PRKAG2: variants seen among roughly 807,000 people sequenced by gnomAD.
PRKAG2 encodes the protein 5'-AMP-activated protein kinase subunit gamma-2.
Under a neutral mutation model 69.6 loss-of-function variants are expected in PRKAG2, and 26 were observed. That is an observed-to-expected ratio of 0.37 (90% CI 0.27 to 0.52). The LOEUF (loss-of-function observed/expected upper bound fraction) is 0.52. PRKAG2 is among the 20% of genes least tolerant of loss of function. The pLI is 0.90. For synonymous variants in PRKAG2, 293 were observed against 285.0 expected (o/e 1.03, Z -0.28); for missense variants, 557 against 740.0 (o/e 0.75, Z 2.87).
intron 3 of PRKAG2, among the ~76,000 whole-genome samples, chr7:151,733,798 C>T (rs1392232888): frequency 6.6e-6 from 1 of 151,780 alleles, no homozygotes; most frequent in African/African-American, 2.4e-5. Flanking sequence ...CAGGCTCAAG[C>T]GATCTTCCCA....
chr7:151,741,981 G>C (rs2073926859), intron 3 of PRKAG2, among the ~76,000 whole-genome samples: 2 of 152,184 alleles, frequency 1.3e-5, no homozygotes, highest in Admixed American at 6.5e-5. Context: ...TCACCTTACA[G>C]TTATTATTTT....
chr7:151,626,326 C>G (rs74558374), intron 5 of PRKAG2, among the ~76,000 whole-genome samples: 12,990 of 152,256 alleles, frequency 0.085, 744 homozygotes, highest in Non-Finnish European at 0.12. Flanking sequence ...TGTGAAGTCA[C>G]GTCCTGACTT....
Position 151,632,546 on chromosome 7 carries a change from C to A in PRKAG2, c.685-408G>T. ...TTGGGAGAGGCCCGCGGCCCGCCCC[C>A]ACTCCGCCCCCCGGCGCCGCTCACC... is the stretch of plus-strand genomic sequence containing the variant. On this transcript the variant is annotated intron_variant, in intron 4 of 15. Coordinates refer to ENST00000287878, the MANE Select transcript of PRKAG2 (RefSeq NM_016203.4). The surrounding 1 kb of genome is among the most constrained non-coding windows in gnomAD (Gnocchi z 4.2). 1.0e-6 allele frequency: 1 copy of A among 983,042 alleles called. No individual in the cohort carries two copies. Among genetic ancestry groups the A allele is most frequent in the Non-Finnish European group, 1.2e-6 (1 of 828,210 alleles). The allele number at this position is 983,042 out of a possible 1,614,324, so 60.9% of individuals were successfully genotyped here.
chr7:151,607,716 GGTTT>G (rs1563243913), intron 5 of PRKAG2, among the ~76,000 whole-genome samples: 1 of 152,132 alleles, frequency 6.6e-6, no homozygotes, highest in East Asian at 1.9e-4. Context: ...TCAAAGGAAG[GGTTT>G]GAACTTTGGG....
chr7:151,620,296 A>G (rs1052764756), intron 5 of PRKAG2, among the ~76,000 whole-genome samples: 2 of 152,044 alleles, frequency 1.3e-5, no homozygotes, highest in Admixed American at 1.3e-4. Flanking sequence ...TTTATCAACA[A>G]CATTAATTCC....
chr7:151,852,403 G>A (rs1386280793), intron 1 of PRKAG2, among the ~76,000 whole-genome samples: 1 of 152,198 alleles, frequency 6.6e-6, no homozygotes, highest in Non-Finnish European at 1.5e-5. Flanking sequence ...GCTGAGGCAG[G>A]AGAATTGCTT....
chr7:151,615,352 C>T (rs1361563874), intron 5 of PRKAG2, among the ~76,000 whole-genome samples: 1 of 152,162 alleles, frequency 6.6e-6, no homozygotes, highest in African/African-American at 2.4e-5. Flanking sequence ...ATGCATGTGC[C>T]TTTATGGTAG....
intron 3 of PRKAG2, among the ~76,000 whole-genome samples, chr7:151,723,558 G>A (rs1051303926): frequency 1.3e-5 from 2 of 152,176 alleles, no homozygotes; most frequent in African/African-American, 2.4e-5. Flanking sequence ...CTCTGCTTTC[G>A]CCGATGGGCC....
chr7:151,731,033 C>T (rs1296906446), intron 3 of PRKAG2, among the ~76,000 whole-genome samples: 2 of 152,124 alleles, frequency 1.3e-5, no homozygotes, highest in Non-Finnish European at 2.9e-5. Flanking sequence ...AGAAATGAGC[C>T]CTTAAGACGC....
rs1554513570 is a variant in PRKAG2, at chr7:151,642,028, T to TG, written c.685-9891_685-9890insC. 3.4e-4 allele frequency among the ~76,000 whole-genome samples: 32 copies of TG among 95,024 alleles called. 1 individual carries two copies. Among genetic ancestry groups the TG allele is most frequent in the African/African-American group, 1.3e-3 (31 of 24,160 alleles). The allele number at this position is 95,024 out of a possible 152,430, so 62.3% of individuals were successfully genotyped here. ...GGGCAACATAGGGAGACCCCATCTTTAAAAAAAAAAAAAAAAAAAAAAAGG... is the reference window on the plus strand; with the variant it reads ...GGGCAACATAGGGAGACCCCATCTTTGAAAAAAAAAAAAAAAAAAAAAAAGG... On this transcript the variant is annotated intron_variant, in intron 4 of 15. Transcript: ENST00000287878.
chr7:151,604,534 G>C (rs1817026318), intron 5 of PRKAG2, among the ~76,000 whole-genome samples: 1 of 152,060 alleles, frequency 6.6e-6, no homozygotes, highest in African/African-American at 2.4e-5. Flanking sequence ...GCCTACTCAG[G>C]AGGCTGAGGT....
chr7:151,750,534 A>T (rs959904056), intron 3 of PRKAG2, among the ~76,000 whole-genome samples: 12 of 152,202 alleles, frequency 7.9e-5, no homozygotes, highest in Non-Finnish European at 8.8e-5. Flanking sequence ...TGTTTCTGTG[A>T]GATATGCAGA....
In PRKAG2 at chr7:151,570,151, G is replaced by GA. The variant is rs374874465; in HGVS notation, c.1106+19dup. 13,319 of 1,269,830 alleles carry GA rather than the reference G, an allele frequency of 0.01. No individual in the cohort carries two copies. The highest frequency in any genetic ancestry group is 0.013 in the Admixed American group (637 of 47,958). The allele number at this position is 1,269,830 out of a possible 1,614,324, so 78.7% of individuals were successfully genotyped here. A position where few individuals can be genotyped will look rare whatever the true frequency, so the allele number is the denominator to read the frequency against. ...ATACATCTGAATGAATGTTTTCAAA[G>GA]AAAAAAAAAACAAGTTTACCTTGCA... On this transcript the variant is annotated intron_variant, in intron 10 of 15. Coordinates refer to ENST00000287878, the MANE Select transcript of PRKAG2 (RefSeq NM_016203.4).
At chr7:151,851,434 A>C (rs2079566964) in intron 1 of PRKAG2, among the ~76,000 whole-genome samples, 2 of 152,012 alleles carry the variant, frequency 1.3e-5, no homozygotes, top group African/African-American at 4.8e-5. Context: ...CGCTGTGGGC[A>C]ACTCTGCCAG....
intron 3 of PRKAG2, among the ~76,000 whole-genome samples, chr7:151,748,870 CAG>C (rs2074475711): frequency 6.6e-6 from 1 of 152,252 alleles, no homozygotes; most frequent in Non-Finnish European, 1.5e-5. Context: ...CGCCCGCAGC[CAG>C]AGAGATGAGC....
chr7:151,739,922 C>T (rs2073753532), intron 3 of PRKAG2, among the ~76,000 whole-genome samples: 1 of 152,198 alleles, frequency 6.6e-6, no homozygotes, highest in Non-Finnish European at 1.5e-5. Context: ...CTCATCACTC[C>T]CCAAAGAGGG....
intron 4 of PRKAG2, among the ~76,000 whole-genome samples, chr7:151,650,356 A>G (rs918816376): frequency 6.6e-6 from 1 of 152,090 alleles, no homozygotes; most frequent in African/African-American, 2.4e-5. Context: ...TTTTCTGCTG[A>G]GAAGTGGGCA....
intron 8 of PRKAG2, among the ~76,000 whole-genome samples, chr7:151,574,274 C>T (rs1808385192): frequency 6.6e-6 from 1 of 151,994 alleles, no homozygotes; most frequent in African/African-American, 2.4e-5. Context: ...AAACTAAAAA[C>T]ACAAAACCAA....
intron 3 of PRKAG2, among the ~76,000 whole-genome samples, chr7:151,688,139 G>A (rs1394830306): frequency 6.7e-6 from 1 of 150,048 alleles, no homozygotes; most frequent in Non-Finnish European, 1.5e-5. Flanking sequence ...AGACCTGGGG[G>A]ACTTTCATAC....
Sources: allele counts gnomAD v4.1 joint callset (sites outside exome capture counted in the v4.1 genomes callset), GRCh38; gene constraint gnomAD v4.1.1; non-coding constraint Gnocchi (gnomAD v3.1); transcripts MANE v1.5; gene names NCBI Gene and HGNC (gene_info 2026-07-23, HGNC 2026-07-21).